Variants in PTPN9 observed in about 807,000 individuals in gnomAD.
PTPN9 encodes the protein protein tyrosine phosphatase non-receptor type 9.
A neutral mutation model predicts 69.8 loss-of-function variants in PTPN9; 26 were observed. That is an observed-to-expected ratio of 0.37 (90% confidence interval 0.27 to 0.52). The LOEUF (loss-of-function observed/expected upper bound fraction) is 0.52. PTPN9 is among the 20% of genes least tolerant of loss of function. The pLI, the probability that PTPN9 is intolerant of heterozygous loss-of-function variation, is 0.91. For synonymous variants in PTPN9, 274 were observed against 272.5 expected, an observed-to-expected ratio of 1.01 and a Z score of -0.05; for missense variants, 549 against 740.3, an observed-to-expected ratio of 0.74 and a Z score of 3.00.
chr15:75,479,084 A>G (rs1302758395), intron 9 of PTPN9, among the ~76,000 whole-genome samples: 2 of 152,194 alleles, frequency 1.3e-5, no homozygotes, highest in African/African-American at 4.8e-5. Flanking sequence ...CGAAGCGGGC[A>G]GATCACGAGG....
intron 10 of PTPN9, 43 bp from the exon 11 acceptor site, chr15:75,470,873 C>G (rs2074560348): frequency 1.9e-6 from 3 of 1,597,890 alleles, no homozygotes; most frequent in African/African-American, 1.3e-5. Context: ...TCGTTCCTCT[C>G]CACAGCAGTA....
At chr15:75,530,717 AATAT>A (rs1190146251) in intron 1 of PTPN9, among the ~76,000 whole-genome samples, 1 of 29,596 alleles carries the variant, frequency 3.4e-5, no homozygotes, top group African/African-American at 2.8e-4. Flanking sequence ...ATTATTATAT[AATAT>A]ATATAATATA....
At position 75,469,806 on chromosome 15, in the gene PTPN9, C is replaced by A; in HGVS notation, c.1553G>T (p.Gly518Val). ...AGGTGCGTTACCTGTCCTGCCAATG[C>A]CTGCACTGCAATGGACCACAATGGG... ...EPPIVVHCSA[G>V]IGRTGTFCSL... Residue 518 changes from glycine (G) to valine (V), a missense_variant, in exon 12 of 13, where the codon GGC becomes GTC. Transcript: ENST00000618819. The A allele has an allele frequency of 6.2e-7, 1 of 1,612,922 alleles. No homozygotes were observed.
At chr15:75,476,039 T>A (rs1484093664) in intron 9 of PTPN9, among the ~76,000 whole-genome samples, 1 of 152,084 alleles carries the variant, frequency 6.6e-6, no homozygotes, top group Admixed American at 6.5e-5. Context: ...CTCAGGAGAC[T>A]GAGGTGAGAG....
chr15:75,474,745 C>T (rs775642745), intron 9 of PTPN9, among the ~76,000 whole-genome samples: 9 of 152,110 alleles, frequency 5.9e-5, no homozygotes, highest in South Asian at 2.1e-4. Context: ...TCTTCCTGCT[C>T]GATTTCACTG....
chr15:75,503,272 G>T (rs549541706), intron 7 of PTPN9, among the ~76,000 whole-genome samples: 1 of 145,458 alleles, frequency 6.9e-6, no homozygotes, highest in South Asian at 2.3e-4. Flanking sequence ...GATGTGGGGA[G>T]CGCCTCTGCC....
rs370508355 is a variant in PTPN9, at chr15:75,523,186, G to C, written c.357C>G (p.Pro119=). 2 of 1,613,934 alleles carry C rather than the reference G, an allele frequency of 1.2e-6. No individual in the cohort carries two copies. Among genetic ancestry groups the C allele is most frequent in the African/African-American group, 2.7e-5 (2 of 74,878 alleles). The part of the protein sequence containing the change: ...IALFTARLHH[P]HKSVQHVVLQ... ...GTACCACATGTTGGACTGACTTGTG[G>C]GGATGATGCAACCTGGCAGTAAAGA... Residue 119 remains proline (P), a synonymous_variant, in exon 4 of 13, where the codon CCC becomes CCG. Coordinates refer to ENST00000618819, the MANE Select transcript of PTPN9 (RefSeq NM_002833.4).
intron 7 of PTPN9, among the ~76,000 whole-genome samples, chr15:75,504,705 C>T (rs1261472210): frequency 1.4e-5 from 2 of 146,388 alleles, no homozygotes; most frequent in African/African-American, 5.1e-5. Flanking sequence ...GTCAGCCCCC[C>T]GCCCGGGAGG....
chr15:75,579,026 T>C lies in PTPN9; in HGVS notation c.-250A>G. 8.1e-6 allele frequency: 2 copies of C among 247,136 alleles called. No homozygotes were observed. Among genetic ancestry groups the C allele is most frequent in the Non-Finnish European group, 1.5e-5 (2 of 130,360 alleles). 15.3% of individuals were successfully genotyped at this position (247,136 alleles called of 1,614,324 possible). On this transcript the variant is annotated 5_prime_UTR_variant, in exon 1 of 13. Transcript: ENST00000618819. ...ATATTATTCGCTCCGTTCCTCACAC[T>C]CCCCCTTATCTCCTGGGGAAGAAAA...
intron 1 of PTPN9, among the ~76,000 whole-genome samples, chr15:75,530,100 G>T (rs2074947972): frequency 6.7e-6 from 1 of 150,136 alleles, no homozygotes; most frequent in Non-Finnish European, 1.5e-5. Context: ...TAGTCAGGAG[G>T]CTGAGGCAGA....
At chr15:75,561,315 C>CA (rs948085462) in intron 1 of PTPN9, among the ~76,000 whole-genome samples, 3,266 of 124,218 alleles carry the variant, frequency 0.026, 110 homozygotes, top group African/African-American at 0.089. Context: ...AACTCCATCT[C>CA]AAAAAAAAAA....
chr15:75,528,829 T>C (rs1428415459), intron 1 of PTPN9, among the ~76,000 whole-genome samples: 1 of 151,738 alleles, frequency 6.6e-6, no homozygotes, highest in Non-Finnish European at 1.5e-5. Flanking sequence ...GCCTTCCGAG[T>C]AGCTGTGACT....
chr15:75,508,039 C>CA (rs990909256), intron 6 of PTPN9, among the ~76,000 whole-genome samples: 3,439 of 37,200 alleles, frequency 0.092, 281 homozygotes, highest in East Asian at 0.25. Flanking sequence ...GAGACACTCT[C>CA]AAAAAAAAAA....
chr15:75,524,481 G>A (rs1410444386), intron 2 of PTPN9, among the ~76,000 whole-genome samples, 183 bp from the exon 3 acceptor site: 1 of 152,108 alleles, frequency 6.6e-6, no homozygotes, highest in Non-Finnish European at 1.5e-5. Context: ...AGTTGAATTA[G>A]AATTCAATTA....
chr15:75,488,007 G>C (rs941024246), intron 8 of PTPN9, among the ~76,000 whole-genome samples: 1 of 152,160 alleles, frequency 6.6e-6, no homozygotes, highest in Non-Finnish European at 1.5e-5. Context: ...CTTTGCCGGC[G>C]CAGTGGCTCA....
intron 1 of PTPN9, among the ~76,000 whole-genome samples, chr15:75,571,889 A>T (rs1284199044): frequency 3.3e-5 from 5 of 151,938 alleles, no homozygotes; most frequent in Non-Finnish European, 7.4e-5. Flanking sequence ...AAAACTAAAT[A>T]AAAAATAAAA....
chr15:75,553,573 GC>G (rs2075064489), intron 1 of PTPN9, among the ~76,000 whole-genome samples: 1 of 151,972 alleles, frequency 6.6e-6, no homozygotes, highest in Non-Finnish European at 1.5e-5. Flanking sequence ...CTATCTCTAT[GC>G]CCCAGTAACA....
intron 1 of PTPN9, among the ~76,000 whole-genome samples, chr15:75,529,777 G>A (rs1260261861): frequency 6.6e-6 from 1 of 151,850 alleles, no homozygotes; most frequent in Admixed American, 6.6e-5. Context: ...AGGCATGGTG[G>A]TGCATGTCTG....
At position 75,523,110 on chromosome 15, in the gene PTPN9, T is replaced by C. The variant is rs771354113; in HGVS notation, c.422+11A>G. On this transcript the variant is annotated intron_variant, in intron 4 of 12. Transcript: ENST00000618819. ...CATGTAGAATACCTAAAAAATAATC[T>C]CAATGCTTACCTATCCACAGCTCTG... 8.1e-6 allele frequency: 13 copies of C among 1,605,984 alleles called. No individual in the cohort carries two copies. The South Asian group carries it at 1.5e-4, about 18-fold the overall frequency.
Sources: allele counts gnomAD v4.1 joint callset (sites outside exome capture counted in the v4.1 genomes callset), GRCh38; gene constraint gnomAD v4.1.1; transcripts MANE v1.5; gene names NCBI Gene and HGNC (gene_info 2026-07-23, HGNC 2026-07-21).